The following GPSM3 variants were observed in gnomAD, a reference collection of about 807,000 sequenced individuals.
GPSM3 encodes G protein signaling modulator 3, also known as G protein-signaling modulator 3.
Under a neutral mutation model 20.4 loss-of-function variants are expected in GPSM3, and 16 were observed. That is an observed-to-expected ratio of 0.78 (90% CI 0.53 to 1.19). The LOEUF is 1.19. GPSM3 is among the 50% of genes most tolerant of loss of function. The pLI, the probability that GPSM3 is intolerant of heterozygous loss-of-function variation, is 0.00. For missense variants in GPSM3, 177 were observed against 204.6 expected, an observed-to-expected ratio of 0.86 and a Z score of 0.82; for synonymous variants, 70 against 79.6, an observed-to-expected ratio of 0.88 and a Z score of 0.64.
At position 32,192,387 on chromosome 6, in the gene GPSM3, C is replaced by T; in HGVS notation, c.42+85G>A. ...TCAGTTTGCCCAAGCCTTTCAAGGC[C>T]CCTGTGTCCCTACATTTCTGCCCCA... is the stretch of plus-strand genomic sequence containing the variant. On this transcript the variant is annotated intron_variant, in intron 1 of 3. Transcript: ENST00000375040. The surrounding 1 kb of genome is among the most constrained non-coding windows in gnomAD (Gnocchi z 5.1). 6.8e-7 allele frequency: 1 copy of T among 1,462,174 alleles called. No individual in the cohort carries two copies. Among genetic ancestry groups the T allele is most frequent in the South Asian group, 1.2e-5 (1 of 81,126 alleles). 90.6% of individuals were successfully genotyped at this position (1,462,174 alleles called of 1,614,324 possible). A position where few individuals can be genotyped will look rare whatever the true frequency, so the allele number is the denominator to read the frequency against.
upstream of GPSM3, chr6:32,195,487 G>A (rs1441887869): frequency 6.2e-7 from 1 of 1,612,558 alleles, no homozygotes; most frequent in Non-Finnish European, 8.5e-7. The surrounding 1 kb of genome is among the most constrained non-coding windows in gnomAD (Gnocchi z 5.4). Flanking sequence ...TGGAGGGCTG[G>A]GGGACCACAG....
At chr6:32,194,271 G>A (rs914498734), upstream of GPSM3, 1 of 152,152 alleles carries the variant, frequency 6.6e-6, no homozygotes, top group African/African-American at 2.4e-5. This position sits in a 1 kb window ranked among gnomAD's most constrained non-coding sequence, Gnocchi z 4.5. Context: ...TAGGATGAGG[G>A]ACAAAGTGTG....
chr6:32,193,345 A>G (rs934971740), upstream of GPSM3, among the ~76,000 whole-genome samples: 46 of 151,996 alleles, frequency 3.0e-4, no homozygotes, highest in African/African-American at 1.0e-3. The surrounding 1 kb of genome is among the most constrained non-coding windows in gnomAD (Gnocchi z 4.7). Flanking sequence ...ACTAAAATAC[A>G]AAAAATTAGC....
In GPSM3 at chr6:32,191,190, G is replaced by A; in HGVS notation, c.*176C>T. ...CTGTTCCATCTCGCCTGTTCCCAGA[G>A]TTTGAGGACTTTCACCCTGTCCAGT... On this transcript the variant is annotated 3_prime_UTR_variant, in exon 4 of 4. Coordinates refer to ENST00000375040, the MANE Select transcript of GPSM3 (RefSeq NM_001276501.2). The surrounding 1 kb of genome is among the most constrained non-coding windows in gnomAD (Gnocchi z 5.9). The A allele has an allele frequency of 1.3e-6, 1 of 745,078 alleles. No individual in the cohort carries two copies. The highest frequency in any genetic ancestry group is 2.1e-6 in the Non-Finnish European group (1 of 484,354). The allele number at this position is 745,078 out of a possible 1,614,324, so 46.2% of individuals were successfully genotyped here.
In GPSM3 at chr6:32,191,695, G is replaced by T; in HGVS notation, c.345+14C>A. 1.3e-6 allele frequency: 2 copies of T among 1,588,718 alleles called. No individual in the cohort carries two copies. The highest frequency in any genetic ancestry group is 2.2e-5 in the East Asian group (1 of 44,514). On this transcript the variant is annotated intron_variant, in intron 3 of 3. Transcript: ENST00000375040. The surrounding 1 kb of genome is among the most constrained non-coding windows in gnomAD (Gnocchi z 5.9). ...CCAGGAGGCCTGGGTTTGCCTCCTG[G>T]GGGGATGTCTTACCTGGTGACTGAG... is the stretch of plus-strand genomic sequence containing the variant.
upstream of GPSM3, chr6:32,193,051 A>C (rs1481476551): frequency 6.5e-6 from 1 of 153,496 alleles, no homozygotes; most frequent in Non-Finnish European, 1.5e-5. This position sits in a 1 kb window ranked among gnomAD's most constrained non-coding sequence, Gnocchi z 4.7. Flanking sequence ...CGGGACTGGG[A>C]GGGGCATGGT....
At chr6:32,192,865 C>G (rs1787638921), upstream of GPSM3, 1 of 282,466 alleles carries the variant, frequency 3.5e-6, no homozygotes, top group Non-Finnish European at 6.6e-6. The surrounding 1 kb of genome is among the most constrained non-coding windows in gnomAD (Gnocchi z 5.1). Context: ...CCCCTAATCC[C>G]TGGCTCTGCT....
Position 32,192,574 on chromosome 6 carries a change from C to T in GPSM3, c.-61G>A. The stretch of plus-strand genomic sequence containing the variant: ...CTGGGATTTGGGAGGAGGGCTGGAA[C>T]CTTGGGTTCCTGAGGGGAGTGGGGG... On this transcript the variant is annotated 5_prime_UTR_variant, in exon 1 of 4. Transcript: ENST00000375040. The surrounding 1 kb of genome is among the most constrained non-coding windows in gnomAD (Gnocchi z 5.1). 5 of 1,380,788 alleles carry T rather than the reference C, an allele frequency of 3.6e-6. No homozygotes were observed. Among genetic ancestry groups the T allele is most frequent in the Non-Finnish European group, 5.0e-6 (5 of 1,000,342 alleles). 85.5% of individuals were successfully genotyped at this position (1,380,788 alleles called of 1,614,324 possible).
At chr6:32,194,723 T>C, upstream of GPSM3, 2 of 210,228 alleles carry the variant, frequency 9.5e-6, no homozygotes, top group Non-Finnish European at 1.9e-5. This position sits in a 1 kb window ranked among gnomAD's most constrained non-coding sequence, Gnocchi z 4.5. Context: ...TTCTTGCTTT[T>C]AAACTATACT....
Position 32,192,302 on chromosome 6 carries a change from G to A in GPSM3, c.43-52C>T, listed in dbSNP as rs1356741729. ...TCAAGCAGTGGTGGTTGAAGCGGGA[G>A]GAGTGGACAGGGGGCTAGGCCAGTG... On this transcript the variant is annotated intron_variant, in intron 1 of 3. Transcript: ENST00000375040. This position sits in a 1 kb window ranked among gnomAD's most constrained non-coding sequence, Gnocchi z 5.1. The A allele has an allele frequency of 5.6e-6, 8 of 1,427,032 alleles. No homozygotes were observed. The highest frequency in any genetic ancestry group is 7.7e-6 in the Non-Finnish European group (8 of 1,044,650). The allele number at this position is 1,427,032 out of a possible 1,614,324, so 88.4% of individuals were successfully genotyped here.
chr6:32,191,874 C>T lies in GPSM3; in HGVS notation c.180G>A (p.Leu60=). The T allele has an allele frequency of 6.2e-7, 1 of 1,611,296 alleles. No homozygotes were observed. The highest frequency in any genetic ancestry group is 1.7e-5 in the Admixed American group (1 of 59,998). The part of the protein sequence containing the change: ...LGPRSASLLS[L]QTELLLDLVA... ...CCAGGTCCAGAAGGAGTTCAGTCTGCAGGGAGAGCAGGGAGGCCGAGCGGG... is the reference window on the plus strand; with the variant it reads ...CCAGGTCCAGAAGGAGTTCAGTCTGTAGGGAGAGCAGGGAGGCCGAGCGGG... Residue 60 remains leucine, a synonymous_variant, in exon 3 of 4, where the codon CTG becomes CTA. Coordinates refer to ENST00000375040, the MANE Select transcript of GPSM3 (RefSeq NM_001276501.2). This position sits in a 1 kb window ranked among gnomAD's most constrained non-coding sequence, Gnocchi z 5.9.
In GPSM3 at chr6:32,191,481, C is replaced by T. The variant is rs1787509129; in HGVS notation, c.368G>A (p.Arg123Gln). Residue 123 changes from arginine (R) to glutamine (Q), a missense_variant, in exon 4 of 4, where the codon CGG (arginine) becomes CAG (glutamine). By Grantham distance (43) the Arg-to-Gln change is conservative (BLOSUM62 1). Coordinates refer to ENST00000375040, the MANE Select transcript of GPSM3 (RefSeq NM_001276501.2). This position sits in a 1 kb window ranked among gnomAD's most constrained non-coding sequence, Gnocchi z 5.9. ...SHQCQRMEAQ[R>Q]SEPPLPPGGQ... ...CCCTGGAGGGAGGGGAGGCTCTGAC[C>T]GCTGGGCTTCCATCCGCTGGCACTG... 3.2e-6 allele frequency: 5 copies of T among 1,569,380 alleles called. No individual in the cohort carries two copies. Among genetic ancestry groups the T allele is most frequent in the African/African-American group, 2.8e-5 (2 of 72,436 alleles).
rs183460121 is a variant in GPSM3, at chr6:32,191,348, C to A, written c.*18G>T. On this transcript the variant is annotated 3_prime_UTR_variant, in exon 4 of 4. Transcript: ENST00000375040. The surrounding 1 kb of genome is among the most constrained non-coding windows in gnomAD (Gnocchi z 5.9). The stretch of plus-strand genomic sequence containing the variant: ...CTTTGAGACCAGTGGCAAGGAAGGG[C>A]TGGTTGGGGCTCAAGTCTCAGCAGG... 1 of 1,572,168 alleles carries A rather than the reference C, an allele frequency of 6.4e-7. No individual in the cohort carries two copies. Among genetic ancestry groups the A allele is most frequent in the South Asian group, 1.2e-5 (1 of 84,520 alleles).
chr6:32,195,377 C>T, upstream of GPSM3: 1 of 1,490,480 alleles, frequency 6.7e-7, no homozygotes, highest in Non-Finnish European at 9.0e-7. The surrounding 1 kb of genome is among the most constrained non-coding windows in gnomAD (Gnocchi z 5.4). Flanking sequence ...CCAGGAAGGC[C>T]TTCCAGCCTG....
Position 32,191,285 on chromosome 6 carries a change from G to T in GPSM3, c.*81C>A. On this transcript the variant is annotated 3_prime_UTR_variant, in exon 4 of 4. Coordinates refer to ENST00000375040, the MANE Select transcript of GPSM3 (RefSeq NM_001276501.2). The surrounding 1 kb of genome is among the most constrained non-coding windows in gnomAD (Gnocchi z 5.9). ...GTGTCTTTCAGTCTCTGGTACCCCT[G>T]CCAAGCAAGAGTTGAGGGCATGCAA... 6.7e-7 allele frequency: 1 copy of T among 1,482,060 alleles called. No individual in the cohort carries two copies. Among genetic ancestry groups the T allele is most frequent in the Non-Finnish European group, 9.0e-7 (1 of 1,105,554 alleles). The allele number at this position is 1,482,060 out of a possible 1,614,324, so 91.8% of individuals were successfully genotyped here. A position where few individuals can be genotyped will look rare whatever the true frequency, so the allele number is the denominator to read the frequency against.
At position 32,191,525 on chromosome 6, in the gene GPSM3, G is replaced by A. The variant is rs1394505689; in HGVS notation, c.346-22C>T. On this transcript the variant is annotated intron_variant, in intron 3 of 3. Transcript: ENST00000375040. The surrounding 1 kb of genome is among the most constrained non-coding windows in gnomAD (Gnocchi z 5.9). The stretch of plus-strand genomic sequence containing the variant: ...GGCACTGGAGGAGTGGAGGGAGAGG[G>A]AGAGCTTTGGTGAGGGTCTGAGAGG... 1.3e-6 allele frequency: 2 copies of A among 1,538,010 alleles called. No homozygotes were observed. Among genetic ancestry groups the A allele is most frequent in the Non-Finnish European group, 1.7e-6 (2 of 1,143,450 alleles).
At chr6:32,194,803 C>A (rs1561905617), upstream of GPSM3, 1 of 231,820 alleles carries the variant, frequency 4.3e-6, no homozygotes, top group African/African-American at 2.2e-5. The surrounding 1 kb of genome is among the most constrained non-coding windows in gnomAD (Gnocchi z 4.5). Flanking sequence ...TCACTCCCAT[C>A]TTTTTTCCCA....
upstream of GPSM3, chr6:32,195,189 C>T (rs1787773387): frequency 1.9e-6 from 1 of 532,108 alleles, no homozygotes; most frequent in South Asian, 2.8e-5. This position sits in a 1 kb window ranked among gnomAD's most constrained non-coding sequence, Gnocchi z 5.4. Context: ...ACTCTGCCCT[C>T]CTGTGGCCTG....
At chr6:32,195,506 A>G (rs1360467883), upstream of GPSM3, 1 of 1,612,884 alleles carries the variant, frequency 6.2e-7, no homozygotes, top group Admixed American at 1.7e-5. The surrounding 1 kb of genome is among the most constrained non-coding windows in gnomAD (Gnocchi z 5.4). Context: ...AGTCAAGTTG[A>G]GGTGATCCCC....
Sources: gnomAD v4.1 joint callset for allele counts (sites outside exome capture counted in the v4.1 genomes callset) on GRCh38, gnomAD v4.1.1 for gene constraint, Gnocchi (gnomAD v3.1) non-coding constraint, MANE v1.5 for transcripts, NCBI Gene and HGNC (gene_info 2026-07-23, HGNC 2026-07-21) for gene names.